Variants in ZNF215 observed in about 807,000 individuals in gnomAD.
ZNF215 encodes zinc finger protein 215.
A neutral mutation model predicts 27.2 loss-of-function variants in ZNF215; 24 were observed. The ratio of observed to expected loss-of-function variants is 0.88; its 90% CI spans 0.64 to 1.24. The LOEUF (loss-of-function observed/expected upper bound fraction) is 1.24, where lower values mean the gene tolerates loss of function less well. ZNF215 is among the 50% of genes most tolerant of loss of function. The pLI is 0.00. For synonymous variants in ZNF215, 210 were observed against 204.0 expected, an observed-to-expected ratio of 1.03 and a Z score of -0.25; for missense variants, 675 against 605.7, an observed-to-expected ratio of 1.11 and a Z score of -1.20.
At chr11:6,985,197 A>T (rs1590090710), downstream of ZNF215, among the ~76,000 whole-genome samples, 1 of 152,212 alleles carries the variant, frequency 6.6e-6, no homozygotes. Flanking sequence ...AAGATAATTC[A>T]CGATGATGAA....
chr11:6,928,910 G>T (rs1380137774), intron 2 of ZNF215, among the ~76,000 whole-genome samples: 1 of 152,166 alleles, frequency 6.6e-6, no homozygotes, highest in Non-Finnish European at 1.5e-5. Context: ...GTCAACAGTT[G>T]TGGCGGGTTT....
At chr11:6,965,500 G>A (rs1467568889) in intron 5 of ZNF215, among the ~76,000 whole-genome samples, 2 of 151,986 alleles carry the variant, frequency 1.3e-5, no homozygotes, top group African/African-American at 4.8e-5. Flanking sequence ...CAAATCTAAA[G>A]ATCAATTTTG....
chr11:6,983,000 T>C (rs1850990238), intron 5 of ZNF215, among the ~76,000 whole-genome samples: 1 of 149,452 alleles, frequency 6.7e-6, no homozygotes, highest in Admixed American at 6.7e-5. Flanking sequence ...ACAAAATTGA[T>C]AGACCACTAG....
chr11:6,979,091 A>T (rs754317679), intron 5 of ZNF215, among the ~76,000 whole-genome samples: 11 of 152,068 alleles, frequency 7.2e-5, no homozygotes, highest in Non-Finnish European at 1.3e-4. Flanking sequence ...ACACCTTGCC[A>T]TGTAATGGAA....
chr11:6,941,381 T>A (rs2133209854), intron 3 of ZNF215, among the ~76,000 whole-genome samples, 190 bp from the exon 4 acceptor site: 1 of 152,348 alleles, frequency 6.6e-6, no homozygotes, highest in East Asian at 1.9e-4. Context: ...AGAATCACAT[T>A]TAAAATATTT....
chr11:6,961,450 G>A (rs1442780218), downstream of ZNF215, among the ~76,000 whole-genome samples: 3 of 152,108 alleles, frequency 2.0e-5, no homozygotes, highest in Admixed American at 6.6e-5. Flanking sequence ...TCATTGGCAA[G>A]AGAGATTCAA....
At chr11:6,944,321 A>G (rs1288536822) in intron 6 of ZNF215, among the ~76,000 whole-genome samples, 1 of 151,962 alleles carries the variant, frequency 6.6e-6, no homozygotes, top group Non-Finnish European at 1.5e-5. Context: ...CTAACTTTGA[A>G]TGTTATTCTT....
downstream of ZNF215, among the ~76,000 whole-genome samples, chr11:6,985,518 AC>A (rs547464014): frequency 5.4e-4 from 83 of 152,294 alleles, no homozygotes; most frequent in African/African-American, 1.9e-3. Flanking sequence ...ACTCCTATTC[AC>A]CTTAGTAGTG....
chr11:6,970,603 TAAAC>T (rs1388314052), intron 5 of ZNF215, among the ~76,000 whole-genome samples: 2 of 152,206 alleles, frequency 1.3e-5, no homozygotes, highest in African/African-American at 4.8e-5. Flanking sequence ...AGGGATAATT[TAAAC>T]AAGAATGACA....
chr11:6,988,841 T>C (rs1411034895), downstream of ZNF215: 1 of 152,162 alleles, frequency 6.6e-6, no homozygotes, highest in Non-Finnish European at 1.5e-5. Context: ...TTTTGAACTT[T>C]ACCTGAGCTA....
rs1850416363 is a variant in ZNF215, at chr11:6,957,615, C to T, written c.*1084C>T. ...GAAGTTTGATGATGTTGTGACCAGA[C>T]ATTTGCCTTAGGAACTTAACTCTTG... On this transcript the variant is annotated 3_prime_UTR_variant, in exon 7 of 7. Coordinates refer to ENST00000278319, the MANE Select transcript of ZNF215 (RefSeq NM_013250.4). 2.9e-6 allele frequency: 1 copy of T among 343,288 alleles called. No individual in the cohort carries two copies. The highest frequency in any genetic ancestry group is 4.1e-6 in the Non-Finnish European group (1 of 243,026). The allele number at this position is 343,288 out of a possible 1,614,324, so 21.3% of individuals were successfully genotyped here.
intron 2 of ZNF215, among the ~76,000 whole-genome samples, chr11:6,930,877 A>G (rs1253596052): frequency 6.6e-6 from 1 of 152,258 alleles, no homozygotes; most frequent in Non-Finnish European, 1.5e-5. Context: ...CTATGACTCC[A>G]AAGTATGTAG....
chr11:6,932,515 T>G lies in ZNF215; in HGVS notation c.243T>G (p.Ile81Met), dbSNP rs1849300469. ...GTCTTCAATGGCTGAGACCAGAGATTCATACAAAGAAGCAGATTATAGAAC... is the reference window on the plus strand; with the variant it reads ...GTCTTCAATGGCTGAGACCAGAGATGCATACAAAGAAGCAGATTATAGAAC... Reference protein sequence around the residue: ...ELCLQWLRPEIHTKKQIIELL... With the variant: ...ELCLQWLRPEMHTKKQIIELL... Residue 81 changes from isoleucine to methionine, a missense_variant, in exon 3 of 7, where the codon ATT becomes ATG. Ile to Met is a conservative substitution (Grantham distance 10). Transcript: ENST00000278319. 1 of 1,614,034 alleles carries G rather than the reference T, an allele frequency of 6.2e-7. No homozygotes were observed. Among genetic ancestry groups the G allele is most frequent in the African/African-American group, 1.3e-5 (1 of 74,902 alleles).
At chr11:6,944,217 A>G (rs1849736410) in intron 6 of ZNF215, among the ~76,000 whole-genome samples, 1 of 152,012 alleles carries the variant, frequency 6.6e-6, no homozygotes, top group South Asian at 2.1e-4. Context: ...CGGAGCTTGC[A>G]GTGAGCCAAG....
downstream of ZNF215, chr11:6,958,059 C>T (rs1590075110): frequency 1.0e-6 from 1 of 985,234 alleles, no homozygotes; most frequent in Non-Finnish European, 1.2e-6. Flanking sequence ...GTTTGTTCAT[C>T]CTTTATATTG....
intron 6 of ZNF215, among the ~76,000 whole-genome samples, chr11:6,952,034 T>A (rs1160684061): frequency 6.6e-6 from 1 of 152,238 alleles, no homozygotes; most frequent in African/African-American, 2.4e-5. Flanking sequence ...TTCCATGTAG[T>A]TGAGTGGTTT....
intron 3 of ZNF215, among the ~76,000 whole-genome samples, chr11:6,939,132 A>C (rs1849544444): frequency 6.6e-6 from 1 of 152,202 alleles, no homozygotes; most frequent in Admixed American, 6.5e-5. Context: ...CTAAGTAATA[A>C]AGACCAGAGT....
At position 6,926,494 on chromosome 11, in the gene ZNF215, T is replaced by G. The variant is rs568343458; in HGVS notation, c.-517T>G. The G allele has an allele frequency of 6.6e-6, 1 of 152,062 alleles. No individual in the cohort carries two copies. The highest frequency in any genetic ancestry group is 2.4e-5 in the African/African-American group (1 of 41,358). 9.4% of individuals were successfully genotyped at this position (152,062 alleles called of 1,614,324 possible). On this transcript the variant is annotated 5_prime_UTR_variant, in exon 1 of 7. Transcript: ENST00000278319. ...CCGGGTCGCGGGGGCTCCTAGGGGGTTCCTTCCACAGCTGGTGCGCGTGCG... is the reference window on the plus strand; with the variant it reads ...CCGGGTCGCGGGGGCTCCTAGGGGGGTCCTTCCACAGCTGGTGCGCGTGCG...
intron 5 of ZNF215, among the ~76,000 whole-genome samples, chr11:6,971,735 A>C (rs867120252): frequency 2.0e-5 from 3 of 152,182 alleles, no homozygotes; most frequent in Non-Finnish European, 4.4e-5. Context: ...GAATGATACT[A>C]TAAGTTCACA....
Sources: gnomAD v4.1 joint callset for allele counts (sites outside exome capture counted in the v4.1 genomes callset) on GRCh38, gnomAD v4.1.1 for gene constraint, MANE v1.5 for transcripts, NCBI Gene and HGNC (gene_info 2026-07-23, HGNC 2026-07-21) for gene names.